The following AKR1A1 variants were observed in gnomAD, a reference collection of about 807,000 sequenced individuals.
The protein encoded by AKR1A1 is aldo-keto reductase family 1 member A1.
Under a neutral mutation model 39.2 loss-of-function variants are expected in AKR1A1, and 26 were observed. The observed-to-expected ratio is 0.66, with a 90% confidence interval of 0.49 to 0.92. AKR1A1 has a LOEUF of 0.92. AKR1A1 is among the 40% of genes least tolerant of loss of function. The probability of loss-of-function intolerance (pLI) is 0.00; values close to 1 mark genes in which losing one functional copy is unlikely to be tolerated. For synonymous variants in AKR1A1, 141 were observed against 155.5 expected (o/e 0.91, Z 0.69); for missense variants, 378 against 406.5 (o/e 0.93, Z 0.60).
intron 1 of AKR1A1, among the ~76,000 whole-genome samples, chr1:45,557,085 G>T (rs1191148151): frequency 6.6e-6 from 1 of 151,904 alleles, no homozygotes; most frequent in Non-Finnish European, 1.5e-5. Context: ...AGCTACTGGG[G>T]AGGCTGAGGC....
In AKR1A1 at chr1:45,561,846, G is replaced by T; in HGVS notation, c.52G>T (p.Gly18Cys). The T allele has an allele frequency of 6.2e-7, 1 of 1,614,132 alleles. No homozygotes were observed. ...CACTGGGCAGAAGATGCCTCTGATT[G>T]GTCTGGGTACCTGGAAGAGTGAGCC... ...LHTGQKMPLIGLGTWKSEPGQ... is the reference protein window; with the variant it reads ...LHTGQKMPLICLGTWKSEPGQ... Residue 18 changes from glycine (G) to cysteine (C), a missense_variant, in exon 2 of 9, where the codon GGT becomes TGT. Coordinates refer to ENST00000351829, the MANE Select transcript of AKR1A1 (RefSeq NM_153326.3).
At position 45,567,027 on chromosome 1, in the gene AKR1A1, C is replaced by T; in HGVS notation, c.356+7C>T. 1.2e-6 allele frequency: 2 copies of T among 1,612,672 alleles called. No individual in the cohort carries two copies. The highest frequency in any genetic ancestry group is 1.7e-6 in the Non-Finnish European group (2 of 1,179,212). ...ACTGGCCTTATGCCTTTGAGTGAGC[C>T]TTGCCAGAGCCTCATCTGGGGAATC... On this transcript the variant is annotated splice_region_variant and intron_variant, in intron 4 of 8. Transcript: ENST00000351829.
intron 4 of AKR1A1, chr1:45,567,233 G>A (rs1278735583): frequency 9.8e-6 from 6 of 615,078 alleles, no homozygotes; most frequent in Admixed American, 6.3e-5. Flanking sequence ...AGTCTCACAT[G>A]GTGTGTACCC....
chr1:45,568,472 TTC>T lies in AKR1A1; in HGVS notation c.553-11_553-10del. On this transcript the variant is annotated splice_polypyrimidine_tract_variant and intron_variant, in intron 5 of 8. Coordinates refer to ENST00000351829, the MANE Select transcript of AKR1A1 (RefSeq NM_153326.3). ...GTCACCACTTCATGGTGATGGGTTA[TTC>T]TTTGGCTCAGGTGGAATGCCACCCA... 2.5e-6 allele frequency: 4 copies of T among 1,613,404 alleles called. No individual in the cohort carries two copies. The highest frequency in any genetic ancestry group is 3.4e-6 in the Non-Finnish European group (4 of 1,179,978).
chr1:45,567,699 C>T (rs1028395482), intron 4 of AKR1A1: 5 of 239,972 alleles, frequency 2.1e-5, no homozygotes, highest in South Asian at 1.7e-4. Context: ...TGGTGGTGAG[C>T]GCCTGTAGTC....
rs1298396025 is a variant in AKR1A1 at position 45,561,733 on chromosome 1, G to A, written c.-6-56G>A. 1.9e-6 allele frequency: 3 copies of A among 1,558,858 alleles called. No individual in the cohort carries two copies. The East Asian group carries it at 6.8e-5, about 35-fold the overall frequency. ...GCAGTATTCTTGACAGTGGAAATCT[G>A]AGACCTGAACAACAGCACTAACCCC... On this transcript the variant is annotated intron_variant, in intron 1 of 8. Coordinates refer to ENST00000351829, the MANE Select transcript of AKR1A1 (RefSeq NM_153326.3).
intron 4 of AKR1A1, 168 bp downstream of exon 4, chr1:45,567,188 T>A: frequency 1.1e-6 from 1 of 911,442 alleles, no homozygotes; most frequent in Non-Finnish European, 1.6e-6. Flanking sequence ...AGCTTAGCTG[T>A]AGCTACAGGA....
rs1385627495 is a variant in AKR1A1, at chr1:45,567,057, G to A, written c.356+37G>A. ...CAGAGCCTCATCTGGGGAATCAGGGGGTTGAGCAGGATGGTGTTAGTAACT... is the reference window on the plus strand; with the variant it reads ...CAGAGCCTCATCTGGGGAATCAGGGAGTTGAGCAGGATGGTGTTAGTAACT... On this transcript the variant is annotated intron_variant, in intron 4 of 8. Transcript: ENST00000351829. 2.5e-6 allele frequency: 4 copies of A among 1,606,518 alleles called. No homozygotes were observed. The South Asian group carries it at 3.3e-5, about 13-fold the overall frequency.
rs532690127 is a variant in AKR1A1, at chr1:45,567,274, C to A, written c.356+254C>A. The stretch of plus-strand genomic sequence containing the variant: ...TATGCACCTGTAACCCTCCTGCTCC[C>A]TTTATTCATTTAGAAAAGGTGCTGA... On this transcript the variant is annotated intron_variant, in intron 4 of 8. Coordinates refer to ENST00000351829, the MANE Select transcript of AKR1A1 (RefSeq NM_153326.3). The A allele has an allele frequency of 2.0e-5, 9 of 442,854 alleles. No homozygotes were observed. The Admixed American group carries it at 3.5e-4, about 17-fold the overall frequency. 27.4% of individuals were successfully genotyped at this position (442,854 alleles called of 1,614,324 possible).
chr1:45,551,840 T>C (rs1644134913), intron 1 of AKR1A1, among the ~76,000 whole-genome samples: 1 of 152,170 alleles, frequency 6.6e-6, no homozygotes, highest in South Asian at 2.1e-4. Flanking sequence ...AAGAGGATTC[T>C]TTTCAGGTTT....
At chr1:45,563,672 C>T (rs1312793876) in intron 2 of AKR1A1, among the ~76,000 whole-genome samples, 1 of 152,038 alleles carries the variant, frequency 6.6e-6, no homozygotes, top group Non-Finnish European at 1.5e-5. Flanking sequence ...GCCTGTAATC[C>T]CAGCTACTCA....
At chr1:45,551,709 C>T (rs1175362477) in intron 1 of AKR1A1, among the ~76,000 whole-genome samples, 3 of 152,196 alleles carry the variant, frequency 2.0e-5, no homozygotes, top group Admixed American at 6.6e-5. Flanking sequence ...CTCAGGGCTG[C>T]AGGCCTGTTA....
rs1452327478 is a variant in AKR1A1 at position 45,567,995 on chromosome 1, C to A, written c.370C>A (p.Pro124Thr). ...WPYAFERGDNPFPKNADGTIC... is the reference protein window; with the variant it reads ...WPYAFERGDNTFPKNADGTIC... ...TCTCTCACTCAGGCGGGGAGACAACCCCTTCCCCAAGAATGCTGATGGGAC... is the reference window on the plus strand; with the variant it reads ...TCTCTCACTCAGGCGGGGAGACAACACCTTCCCCAAGAATGCTGATGGGAC... The change falls in exon 5 of 9, where the codon CCC (proline) becomes ACC (threonine). Residue 124 changes from proline to threonine, a missense_variant. Transcript: ENST00000351829. The A allele has an allele frequency of 6.2e-7, 1 of 1,612,670 alleles. No individual in the cohort carries two copies. Among genetic ancestry groups the A allele is most frequent in the Non-Finnish European group, 8.5e-7 (1 of 1,179,104 alleles).
intron 2 of AKR1A1, 22 bp downstream of exon 2, chr1:45,561,900 A>C: frequency 6.2e-7 from 1 of 1,612,632 alleles, no homozygotes; most frequent in Non-Finnish European, 8.5e-7. Context: ...GGGAAGAAAA[A>C]AGAAACTTGT....
In AKR1A1 at chr1:45,569,212, A is replaced by G. The variant is rs766033412; in HGVS notation, c.895A>G (p.Ile299Val). ...TGCCCTGAACAAAAATTGGAGATAT[A>G]TTGTGCCTATGCTTACGGTGAGGAT... ...LNALNKNWRY[I>V]VPMLTVDGKR... The change falls in exon 8 of 9, where the codon ATT becomes GTT. Residue 299 changes from isoleucine (I) to valine (V), a missense_variant. By Grantham distance (29) the Ile-to-Val change is conservative. Transcript: ENST00000351829. 69 of 1,613,788 alleles carry G rather than the reference A, an allele frequency of 4.3e-5. No individual in the cohort carries two copies. The highest frequency in any genetic ancestry group is 5.6e-5 in the Non-Finnish European group (66 of 1,179,824).
chr1:45,556,302 G>A (rs1161390220), intron 1 of AKR1A1, among the ~76,000 whole-genome samples: 14 of 152,338 alleles, frequency 9.2e-5, no homozygotes, highest in East Asian at 7.7e-4. Flanking sequence ...GAAGGTTTCC[G>A]CCGGGCGCGG....
chr1:45,566,981 A>AGAC lies in AKR1A1; in HGVS notation c.317_318insGAC (p.Tyr106delinsTer). ...ACTCTGGCTGACCTCCAGCTGGAGTATCTGGACCTGTACCTGATGCACTGG... is the reference window on the plus strand; with the variant it reads ...ACTCTGGCTGACCTCCAGCTGGAGTAGACTCTGGACCTGTACCTGATGCACTGG... On this transcript the variant is annotated stop_gained, in exon 4 of 9. Coordinates refer to ENST00000351829, the MANE Select transcript of AKR1A1 (RefSeq NM_153326.3). LOFTEE classifies it high-confidence loss of function. The AGAC allele has an allele frequency of 6.2e-7, 1 of 1,614,264 alleles. No homozygotes were observed.
intron 1 of AKR1A1, among the ~76,000 whole-genome samples, chr1:45,560,546 G>T (rs1209762049): frequency 6.6e-6 from 1 of 152,118 alleles, no homozygotes; most frequent in Non-Finnish European, 1.5e-5. Context: ...GGAGTTCAAG[G>T]CTGCAGTGAG....
At chr1:45,560,725 CT>C (rs565611681) in intron 1 of AKR1A1, among the ~76,000 whole-genome samples, 47,029 of 114,120 alleles carry the variant, frequency 0.41, 6,722 homozygotes, top group East Asian at 0.51. Context: ...CTCTGCAGTT[CT>C]TTTTTTTTTT....
Sources: gnomAD v4.1 joint callset for allele counts (sites outside exome capture counted in the v4.1 genomes callset) on GRCh38, gnomAD v4.1.1 for gene constraint, MANE v1.5 for transcripts, NCBI Gene and HGNC (gene_info 2026-07-23, HGNC 2026-07-21) for gene names.